The following RHOT1 variants were observed in gnomAD, a reference collection of about 807,000 sequenced individuals.
RHOT1 encodes the protein ras homolog family member T1.
RHOT1 carries 27 observed loss-of-function variants against 95.3 expected under a neutral mutation model. That is an observed-to-expected ratio of 0.28 (90% CI 0.21 to 0.39). The LOEUF (loss-of-function observed/expected upper bound fraction) is 0.39, where lower values mean the gene tolerates loss of function less well. RHOT1 is among the 10% of genes least tolerant of loss of function. The probability of loss-of-function intolerance (pLI) is 1.00; values close to 1 mark genes in which losing one functional copy is unlikely to be tolerated. For missense variants in RHOT1, 578 were observed against 786.7 expected, an observed-to-expected ratio of 0.73 and a Z score of 3.17; for synonymous variants, 227 against 263.5, an observed-to-expected ratio of 0.86 and a Z score of 1.34.
chr17:32,143,202 CGG>C, intron 1 of RHOT1: 1 of 445,432 alleles, frequency 2.2e-6, no homozygotes, highest in South Asian at 1.7e-5. Context: ...AACCGGCTCC[CGG>C]GGAAGCTGGG....
Position 32,166,364 on chromosome 17 carries a change from G to A in RHOT1, c.38-4679G>A, listed in dbSNP as rs531597733. 2.0e-5 allele frequency among the ~76,000 whole-genome samples: 3 copies of A among 152,250 alleles called. No homozygotes were observed. The South Asian group carries it at 6.2e-4, about 32-fold the overall frequency. On this transcript the variant is annotated intron_variant, in intron 1 of 19. Transcript: ENST00000545287. ...TTTGCTGGTGGAGAGTCTTGCCTCAGGGTTGATGGCTGCTGACTGATTAGG... is the reference window on the plus strand; with the variant it reads ...TTTGCTGGTGGAGAGTCTTGCCTCAAGGTTGATGGCTGCTGACTGATTAGG...
At chr17:32,198,655 G>GC (rs2037083149) in intron 11 of RHOT1, among the ~76,000 whole-genome samples, 1 of 152,196 alleles carries the variant, frequency 6.6e-6, no homozygotes, top group African/African-American at 2.4e-5. Context: ...ACTGCAGTGA[G>GC]CTGTGATCGT....
At chr17:32,198,802 T>G in intron 11 of RHOT1, 145 bp from the exon 12 acceptor site, 1 of 599,786 alleles carries the variant, frequency 1.7e-6, no homozygotes. Flanking sequence ...CCAGAGAGTT[T>G]CCTTGGGAAA....
At chr17:32,150,548 C>G in intron 1 of RHOT1, 1 of 1,547,092 alleles carries the variant, frequency 6.5e-7, no homozygotes, top group Admixed American at 1.7e-5. Flanking sequence ...GGAGATAGGC[C>G]TACAGCTAGA....
At chr17:32,150,603 C>G in intron 1 of RHOT1, 1 of 1,587,646 alleles carries the variant, frequency 6.3e-7, no homozygotes, top group East Asian at 2.2e-5. Flanking sequence ...CTACCTGGTA[C>G]TTTGTGAGTG....
chr17:32,150,530 T>A (rs1207905421), intron 1 of RHOT1: 21 of 1,483,414 alleles, frequency 1.4e-5, no homozygotes, highest in Admixed American at 1.7e-5. Context: ...CTGGGCCAGG[T>A]TTGTGTGGGA....
At chr17:32,177,740 G>A (rs573010845) in intron 6 of RHOT1, among the ~76,000 whole-genome samples, 5 of 142,214 alleles carry the variant, frequency 3.5e-5, no homozygotes, top group Non-Finnish European at 1.5e-5. Context: ...GGGCAACAGA[G>A]CGAGACTCCG....
rs28687148 is a variant in RHOT1, at chr17:32,175,285, G to A, written c.179-34G>A. On this transcript the variant is annotated intron_variant, in intron 3 of 19. Transcript: ENST00000545287. Reference sequence around the variant, plus strand: ...GCCATTAGTTTTTATGAAAGTGTCTGCAATATGAAACATTGACTTCCTGTC... The same window carrying A: ...GCCATTAGTTTTTATGAAAGTGTCTACAATATGAAACATTGACTTCCTGTC... 3,556 of 1,594,162 alleles carry A rather than the reference G, an allele frequency of 2.2e-3. 67 individuals carry two copies. The African/African-American group carries it at 0.043, about 19-fold the overall frequency.
intron 1 of RHOT1, chr17:32,151,093 A>G: frequency 9.8e-7 from 1 of 1,016,020 alleles, no homozygotes; most frequent in African/African-American, 1.6e-5. Flanking sequence ...GAAAACAGCC[A>G]GGTTATCATC....
In RHOT1 at chr17:32,176,201, A is replaced by C. The variant is rs893357775; in HGVS notation, c.317A>C (p.Asp106Ala). 6.2e-7 allele frequency: 1 copy of C among 1,609,106 alleles called. No homozygotes were observed. Among genetic ancestry groups the C allele is most frequent in the Non-Finnish European group, 8.5e-7 (1 of 1,178,672 alleles). The change falls in exon 6 of 20, where the codon GAC becomes GCC. Residue 106 changes from aspartate to alanine, a missense_variant. This residue lies in a region of RHOT1 where 227 missense variants were observed against 316.0 expected (regional missense o/e 0.72). Coordinates refer to ENST00000545287, the MANE Select transcript of RHOT1 (RefSeq NM_001033566.3). ...RWIPLINERT[D>A]KDSRLPLILV... The stretch of plus-strand genomic sequence containing the variant: ...ATTCCTCTCATAAATGAAAGAACAG[A>C]CAAAGACAGCAGGTATTTTTTCCTC...
intron 13 of RHOT1, 99 bp from the exon 14 acceptor site, chr17:32,200,853 TTATC>T: frequency 1.4e-6 from 1 of 736,024 alleles, no homozygotes; most frequent in South Asian, 1.6e-5. Flanking sequence ...TAGACAAAAA[TTATC>T]TAGGTCTGGT....
At chr17:32,157,521 A>G (rs1240353092) in intron 1 of RHOT1, among the ~76,000 whole-genome samples, 2 of 152,222 alleles carry the variant, frequency 1.3e-5, no homozygotes, top group African/African-American at 4.8e-5. Flanking sequence ...AGTTAAGAAT[A>G]CATGTGTTGG....
chr17:32,163,145 T>G (rs1386484454), intron 1 of RHOT1, among the ~76,000 whole-genome samples: 2 of 152,188 alleles, frequency 1.3e-5, no homozygotes, highest in Admixed American at 1.3e-4. Context: ...AAGAAAGCGT[T>G]TGATCAGGTG....
intron 1 of RHOT1, among the ~76,000 whole-genome samples, chr17:32,153,627 C>G (rs2032589204): frequency 6.6e-6 from 1 of 152,158 alleles, no homozygotes; most frequent in Non-Finnish European, 1.5e-5. Context: ...CCACTGTACT[C>G]TTGCCTGGGC....
intron 1 of RHOT1, among the ~76,000 whole-genome samples, chr17:32,167,405 CA>C (rs1284541279): frequency 4.6e-5 from 7 of 151,806 alleles, no homozygotes; most frequent in Admixed American, 4.6e-4. Flanking sequence ...TGGCTCACTG[CA>C]AGCTCCGCCT....
At chr17:32,216,881 C>T (rs1438149123) in intron 19 of RHOT1, among the ~76,000 whole-genome samples, 2 of 152,078 alleles carry the variant, frequency 1.3e-5, no homozygotes, top group Non-Finnish European at 2.9e-5. Flanking sequence ...GGAAGTCCTG[C>T]TTTAGTTTCT....
intron 1 of RHOT1, chr17:32,142,968 T>G: frequency 1.4e-6 from 1 of 712,554 alleles, no homozygotes; most frequent in Non-Finnish European, 2.6e-6. Context: ...AGATCTCCTT[T>G]CCCTGTTCCC....
intron 8 of RHOT1, among the ~76,000 whole-genome samples, chr17:32,186,881 T>C (rs2036101861): frequency 6.6e-6 from 1 of 152,204 alleles, no homozygotes. Flanking sequence ...AAGGTGGTCT[T>C]GAACTTCTAG....
In RHOT1 at chr17:32,206,831, A is replaced by G. The variant is rs73268535; in HGVS notation, c.1417-79A>G. The G allele has an allele frequency of 2.6e-3, 2,624 of 1,018,080 alleles. 55 individuals carry two copies. The African/African-American group carries it at 0.039, about 15-fold the overall frequency. The allele number at this position is 1,018,080 out of a possible 1,614,324, so 63.1% of individuals were successfully genotyped here. On this transcript the variant is annotated intron_variant, in intron 16 of 19. Coordinates refer to ENST00000545287, the MANE Select transcript of RHOT1 (RefSeq NM_001033566.3). ...ACTTTTAAACTTAGGAAGTCCAGGG[A>G]AGGAAGTAATAAGCTATCATGACTT...
Sources: gnomAD v4.1 joint callset for allele counts (sites outside exome capture counted in the v4.1 genomes callset) on GRCh38, gnomAD v4.1.1 for gene constraint, gnomAD v4.1.1 regional missense constraint, MANE v1.5 for transcripts, NCBI Gene and HGNC (gene_info 2026-07-23, HGNC 2026-07-21) for gene names.